Variants in LOC400499 observed in about 807,000 individuals in gnomAD.
the LOC400499 span, chr16:11,469,131 G>A: frequency 2.5e-6 from 1 of 399,362 alleles, no homozygotes; most frequent in Non-Finnish European, 4.4e-6. Context: ...TCCCTGGGGA[G>A]GTGTCAGGTG....
At chr16:11,491,401 A>G in the LOC400499 span, among the ~76,000 whole-genome samples, 1 of 152,154 alleles carries the variant, frequency 6.6e-6, no homozygotes, top group East Asian at 1.9e-4. Flanking sequence ...CAGAGCTAAA[A>G]GAGGCCTCAC....
At chr16:11,396,268 G>A in the LOC400499 span, 12 of 359,946 alleles carry the variant, frequency 3.3e-5, no homozygotes, top group East Asian at 4.2e-4. Context: ...AGGAAGGGCC[G>A]GGTGTTGGGA....
the LOC400499 span, among the ~76,000 whole-genome samples, chr16:11,514,749 C>G: frequency 6.6e-6 from 1 of 152,160 alleles, no homozygotes; most frequent in African/African-American, 2.4e-5. Context: ...TCAGCCCAGG[C>G]AAAGGCACAC....
At chr16:11,416,374 G>C in the LOC400499 span, among the ~76,000 whole-genome samples, 1 of 152,108 alleles carries the variant, frequency 6.6e-6, no homozygotes, top group East Asian at 1.9e-4. Flanking sequence ...ATGGCTCTGG[G>C]TTCAATCCTC....
the LOC400499 span, chr16:11,469,763 C>T: frequency 2.5e-6 from 1 of 398,096 alleles, no homozygotes; most frequent in East Asian, 3.6e-5. Context: ...AGGAATTTCT[C>T]AGGCTTGAAA....
At chr16:11,495,604 C>A in the LOC400499 span, among the ~76,000 whole-genome samples, 1 of 152,000 alleles carries the variant, frequency 6.6e-6, no homozygotes, top group Non-Finnish European at 1.5e-5. Flanking sequence ...GGTGGTGAAC[C>A]CCTGACCTCA....
At chr16:11,460,445 C>T in the LOC400499 span, 3 of 1,503,270 alleles carry the variant, frequency 2.0e-6, no homozygotes, top group South Asian at 3.8e-5. Flanking sequence ...CTAGTGCTCT[C>T]TCCGGATGTC....
the LOC400499 span, among the ~76,000 whole-genome samples, chr16:11,420,259 C>A: frequency 1.5e-3 from 228 of 151,924 alleles, no homozygotes; most frequent in African/African-American, 5.1e-3. Flanking sequence ...GAATACTATG[C>A]AGCCATAAAA....
At chr16:11,430,988 C>G in the LOC400499 span, 4 of 398,862 alleles carry the variant, frequency 1.0e-5, no homozygotes, top group Non-Finnish European at 1.3e-5. Flanking sequence ...CTTGCAGTTC[C>G]AAAGAAAGTG....
the LOC400499 span, chr16:11,477,963 G>C: frequency 2.5e-6 from 1 of 398,870 alleles, no homozygotes; most frequent in Non-Finnish European, 4.4e-6. Context: ...ACCAGTTCCT[G>C]TGCGGCCAGG....
At chr16:11,382,126 A>G in the LOC400499 span, among the ~76,000 whole-genome samples, 465 of 151,496 alleles carry the variant, frequency 3.1e-3, 1 homozygote, top group African/African-American at 0.011. Context: ...TGGTAGAGAC[A>G]GGGGTTTCGC....
chr16:11,443,115 G>A, the LOC400499 span, among the ~76,000 whole-genome samples: 4 of 152,040 alleles, frequency 2.6e-5, no homozygotes, highest in East Asian at 7.7e-4. Flanking sequence ...CCTGAGGTCA[G>A]GAGCTCGAGA....
At chr16:11,501,600 G>A in the LOC400499 span, among the ~76,000 whole-genome samples, 13 of 152,000 alleles carry the variant, frequency 8.6e-5, no homozygotes, top group African/African-American at 2.9e-4. Context: ...ATAGCCGTAA[G>A]CTGACTGAGT....
the LOC400499 span, among the ~76,000 whole-genome samples, chr16:11,403,277 G>A: frequency 1.3e-5 from 2 of 152,178 alleles, no homozygotes; most frequent in Non-Finnish European, 2.9e-5. Context: ...GCATCACCCA[G>A]TCATTGGTTC....
the LOC400499 span, chr16:11,387,217 G>T: frequency 2.4e-6 from 3 of 1,232,220 alleles, no homozygotes; most frequent in Non-Finnish European, 3.0e-6. Context: ...CCTCCATGAG[G>T]TAGCTGGTCA....
At chr16:11,438,607 CAAAAAAAA>C in the LOC400499 span, among the ~76,000 whole-genome samples, 5 of 59,852 alleles carry the variant, frequency 8.4e-5, no homozygotes, top group Admixed American at 2.0e-4. Context: ...CCTGTCTCTG[CAAAAAAAA>C]AAAAAAAAAA....
the LOC400499 span, chr16:11,446,565 A>T: frequency 6.5e-7 from 1 of 1,536,088 alleles, no homozygotes; most frequent in South Asian, 1.2e-5. Context: ...GCTGATTCCA[A>T]GTAACCAGGC....
the LOC400499 span, chr16:11,380,869 G>C: frequency 6.5e-6 from 1 of 153,768 alleles, no homozygotes; most frequent in African/African-American, 2.4e-5. Flanking sequence ...GATTCTCCGA[G>C]GTTCCTGTGG....
chr16:11,399,925 G>A, the LOC400499 span: 11 of 397,924 alleles, frequency 2.8e-5, no homozygotes, highest in Admixed American at 4.8e-4. Context: ...GGCTAGGGAG[G>A]ATGGAGAAGC....
Sources: gnomAD v4.1 joint callset for allele counts (sites outside exome capture counted in the v4.1 genomes callset) on GRCh38, gnomAD v4.1.1 for gene constraint, MANE v1.5 for transcripts.